Variants in TMPRSS9 observed in about 807,000 individuals in gnomAD.
TMPRSS9 encodes transmembrane protease serine 9.
A neutral mutation model predicts 111.4 loss-of-function variants in TMPRSS9; 113 were observed. The ratio of observed to expected loss-of-function variants is 1.01; its 90% CI spans 0.87 to 1.19. The LOEUF (loss-of-function observed/expected upper bound fraction) is 1.19, where lower values mean the gene tolerates loss of function less well. Among genes scored for constraint, TMPRSS9 ranks in the 50% most tolerant of loss-of-function variants. The pLI is 0.00. For synonymous variants in TMPRSS9, 805 were observed against 659.1 expected (o/e 1.22, Z -3.39); for missense variants, 1,803 against 1,513.1 (o/e 1.19, Z -3.18).
chr19:2,368,945 C>T lies in TMPRSS9; in HGVS notation c.-26+8585C>T, dbSNP rs183401167. ...GATTACAGGTGTACGCCACCATGCC[C>T]GGCTAATTCTTTTTTTTTTTTTTGA... On this transcript the variant is annotated intron_variant, in intron 1 of 17. Coordinates refer to the TMPRSS9 transcript ENST00000649857. 6.3e-3 allele frequency among the ~76,000 whole-genome samples: 904 copies of T among 144,304 alleles called. 10 individuals are homozygous for T. Among genetic ancestry groups the T allele is most frequent in the South Asian group, 0.018 (81 of 4,464 alleles). The allele number at this position is 144,304 out of a possible 152,430, so 94.7% of individuals were successfully genotyped here. A position where few individuals can be genotyped will look rare whatever the true frequency, so the allele number is the denominator to read the frequency against.
intron 1 of TMPRSS9, among the ~76,000 whole-genome samples, chr19:2,374,682 C>G (rs943110607): frequency 6.6e-6 from 1 of 152,130 alleles, no homozygotes; most frequent in African/African-American, 2.4e-5. Context: ...AGCCCCTAAC[C>G]AGGCTTGGAA....
chr19:2,416,956 G>A lies in TMPRSS9; in HGVS notation c.2017+147G>A, dbSNP rs747286180. 36 of 1,130,308 alleles carry A rather than the reference G, an allele frequency of 3.2e-5. No homozygotes were observed. In the Admixed American group the frequency reaches 6.1e-4, roughly 19 times the overall value. 70.0% of individuals were successfully genotyped at this position (1,130,308 alleles called of 1,614,324 possible). A position where few individuals can be genotyped will look rare whatever the true frequency, so the allele number is the denominator to read the frequency against. Reference sequence around the variant, plus strand: ...GGCTGATCCCTTTGTCTTTGGTCCCGCTGCCCACACACCTCTCACTTCCCC... The same window carrying A: ...GGCTGATCCCTTTGTCTTTGGTCCCACTGCCCACACACCTCTCACTTCCCC... On this transcript the variant is annotated intron_variant, in intron 12 of 17. Coordinates refer to ENST00000648592, the Ensembl canonical transcript of TMPRSS9.
exon 16 of TMPRSS9, chr19:2,425,194 G>C: frequency 6.6e-7 from 1 of 1,524,382 alleles, no homozygotes; most frequent in Non-Finnish European, 8.8e-7. Flanking sequence ...CCATCTGCCT[G>C]CCCGAGCCCG....
chr19:2,419,585 CG>C (rs1971418128), intron 13 of TMPRSS9, among the ~76,000 whole-genome samples: 1 of 149,322 alleles, frequency 6.7e-6, no homozygotes, highest in Non-Finnish European at 1.5e-5. Context: ...GGCGTGATCT[CG>C]GCTCACTGCA....
intron 12 of TMPRSS9, among the ~76,000 whole-genome samples, chr19:2,417,098 G>A (rs530730421): frequency 6.6e-6 from 1 of 152,302 alleles, no homozygotes; most frequent in South Asian, 2.1e-4. Context: ...TGCAATAGCA[G>A]CAGAGTTAAA....
exon 1 of TMPRSS9, among the ~76,000 whole-genome samples, chr19:2,360,296 G>C (rs1302099937): frequency 6.6e-6 from 1 of 152,186 alleles, no homozygotes; most frequent in South Asian, 2.1e-4. Flanking sequence ...TCCGGAGCGC[G>C]GTGAGTCGGG....
At chr19:2,360,384 T>G (rs1434222776) in intron 1 of TMPRSS9, among the ~76,000 whole-genome samples, 24 bp downstream of exon 1, 1 of 151,504 alleles carries the variant, frequency 6.6e-6, no homozygotes, top group African/African-American at 2.4e-5. Flanking sequence ...TCCTGCGGGC[T>G]CAGCCTCCCC....
At chr19:2,395,274 G>T (rs1204549976) in intron 1 of TMPRSS9, among the ~76,000 whole-genome samples, 1 of 151,944 alleles carries the variant, frequency 6.6e-6, no homozygotes, top group East Asian at 1.9e-4. Context: ...AAAAAAACTA[G>T]CCAGGTGTGG....
intron 1 of TMPRSS9, among the ~76,000 whole-genome samples, chr19:2,364,944 A>C (rs1410395325): frequency 6.7e-6 from 1 of 149,888 alleles, no homozygotes; most frequent in Admixed American, 6.7e-5. Flanking sequence ...GCGCCACTGC[A>C]CTCCAGCCTG....
chr19:2,383,161 C>G (rs1266748611), intron 1 of TMPRSS9, among the ~76,000 whole-genome samples: 1 of 152,118 alleles, frequency 6.6e-6, no homozygotes, highest in African/African-American at 2.4e-5. Flanking sequence ...CCACACCAGC[C>G]TGGCCAACAT....
At chr19:2,407,612 T>TCTTTTC (rs5826765) in intron 7 of TMPRSS9, among the ~76,000 whole-genome samples, 17 of 117,236 alleles carry the variant, frequency 1.5e-4, no homozygotes, top group African/African-American at 2.2e-4. Context: ...TCTTTTCTTT[T>TCTTTTC]TTTTTTTTTT....
At chr19:2,412,271 G>A (rs1460283169) in intron 9 of TMPRSS9, among the ~76,000 whole-genome samples, 1 of 152,098 alleles carries the variant, frequency 6.6e-6, no homozygotes. Flanking sequence ...GGGTTTGGTG[G>A]TGCATGCCTG....
chr19:2,371,582 C>T (rs2385177), intron 1 of TMPRSS9, among the ~76,000 whole-genome samples: 26,950 of 151,668 alleles, frequency 0.18, 3,598 homozygotes, highest in African/African-American at 0.37. Context: ...CTATAATCTC[C>T]GCTACCTGGG....
chr19:2,384,582 A>G (rs144685363), intron 1 of TMPRSS9, among the ~76,000 whole-genome samples: 6,664 of 151,548 alleles, frequency 0.044, 160 homozygotes, highest in African/African-American at 0.058. Context: ...TTGGGAGGCC[A>G]AGGCGGGAGG....
At chr19:2,426,187 G>A (rs1010511923) in exon 18 of TMPRSS9, 1 of 910,498 alleles carries the variant, frequency 1.1e-6, no homozygotes, top group Non-Finnish European at 1.4e-6. Flanking sequence ...AAGGACGGGT[G>A]TGGGGGGGCT....
intron 1 of TMPRSS9, among the ~76,000 whole-genome samples, chr19:2,382,431 C>G (rs1887019044): frequency 6.6e-6 from 1 of 152,184 alleles, no homozygotes. Flanking sequence ...CGCGCCCGGT[C>G]AAAACATTTT....
At position 2,408,363 on chromosome 19, in the gene TMPRSS9, G is replaced by A. The variant is rs143556680; in HGVS notation, c.850G>A (p.Asp284Asn). The A allele has an allele frequency of 9.5e-4, 1,534 of 1,612,808 alleles. 1 individual carries two copies. The highest frequency in any genetic ancestry group is 1.2e-3 in the Non-Finnish European group (1,470 of 1,179,238). Residue 284 changes from aspartate to asparagine, a missense_variant, in exon 8 of 18, where the codon GAC becomes AAC. By Grantham distance (23) the Asp-to-Asn change is conservative. Coordinates refer to ENST00000648592, the Ensembl canonical transcript of TMPRSS9. ...TGGGGTTTGCTCCTGCAGGTTCCAA[G>A]ACCCGACGAAGTGGGTGGCCTACGT...
chr19:2,391,237 CAAAAAAAA>C (rs10650164), intron 1 of TMPRSS9, among the ~76,000 whole-genome samples: 1 of 53,050 alleles, frequency 1.9e-5, no homozygotes, highest in Non-Finnish European at 3.0e-5. Context: ...AATTCCATCT[CAAAAAAAA>C]AAAAAAAAAA....
At chr19:2,422,454 G>A (rs1381175407) in intron 14 of TMPRSS9, among the ~76,000 whole-genome samples, 2 of 152,170 alleles carry the variant, frequency 1.3e-5, no homozygotes, top group African/African-American at 2.4e-5. Flanking sequence ...GGTGGTGGGC[G>A]CCTGTAGTCC....
Sources: gnomAD v4.1 joint callset for allele counts (sites outside exome capture counted in the v4.1 genomes callset) on GRCh38, gnomAD v4.1.1 for gene constraint, MANE v1.5 for transcripts, NCBI Gene and HGNC (gene_info 2026-07-23, HGNC 2026-07-21) for gene names.